ANOS1: variants seen among roughly 807,000 people sequenced by gnomAD.
The protein encoded by ANOS1 is anosmin 1, also known as anosmin-1.
A neutral mutation model predicts 59.0 loss-of-function variants in ANOS1; 6 were observed. The observed-to-expected ratio is 0.10, with a 90% CI of 0.06 to 0.20. ANOS1 has a LOEUF of 0.20. Among genes scored for constraint, ANOS1 ranks in the 10% least tolerant of loss-of-function variants. The probability of loss-of-function intolerance (pLI) is 1.00; values close to 1 mark genes in which losing one functional copy is unlikely to be tolerated. For synonymous variants in ANOS1, 217 were observed against 223.4 expected, an observed-to-expected ratio of 0.97 and a Z score of 0.25; for missense variants, 433 against 542.3, an observed-to-expected ratio of 0.80 and a Z score of 2.00.
In ANOS1 at chrX:8,534,411, C is replaced by T. The variant is rs1371770903; in HGVS notation, c.1892G>A (p.Arg631Gln). The change falls in exon 13 of 14, where the codon CGA becomes CAA. Residue 631 changes from arginine (R) to glutamine (Q), a missense_variant. By Grantham distance (43) the Arg-to-Gln change is conservative (BLOSUM62 1). Coordinates refer to ENST00000262648, the MANE Select transcript of ANOS1 (RefSeq NM_000216.4). Reference protein sequence around the residue: ...VPNLRPSTLYRLEVQVLTPGG... With the variant: ...VPNLRPSTLYQLEVQVLTPGG... ...TGGGGTCAGCACTTGCACTTCCAGT[C>T]GGTAAAGAGTAGATGGTCTCAGATT... 1.7e-6 allele frequency: 2 copies of T among 1,207,705 alleles called. No homozygotes were observed. Among genetic ancestry groups the T allele is most frequent in the African/African-American group, 1.8e-5 (1 of 56,798 alleles).
intron 1 of ANOS1, among the ~76,000 whole-genome samples, chrX:8,704,576 C>A (rs1361945053): frequency 8.9e-6 from 1 of 112,230 alleles, no homozygotes. Context: ...TCATTTCAAG[C>A]AAAATTTTCT....
chrX:8,727,521 G>A (rs758194088), intron 1 of ANOS1, among the ~76,000 whole-genome samples: 1 of 112,723 alleles, frequency 8.9e-6, no homozygotes, highest in Admixed American at 9.3e-5. Context: ...TGAGGAGGAT[G>A]CAATAAACCT....
chrX:8,612,968 T>C (rs1931089062), intron 3 of ANOS1, among the ~76,000 whole-genome samples: 1 of 111,490 alleles, frequency 9.0e-6, no homozygotes, highest in Non-Finnish European at 1.9e-5. Flanking sequence ...CCATGAAAGC[T>C]CTACCAACTC....
At position 8,605,331 on chromosome X, in the gene ANOS1, G is replaced by C. The variant is rs141539563; in HGVS notation, c.319-8075C>G. ...AATACAAGAGCATGAAGACAAGGTA[G>C]TGAGACAATGAAATGAGATGAAAAG... On this transcript the variant is annotated intron_variant, in intron 3 of 13. Coordinates refer to ENST00000262648, the MANE Select transcript of ANOS1 (RefSeq NM_000216.4). Among the ~76,000 whole-genome samples, 156 of 111,206 alleles carry C rather than the reference G, an allele frequency of 1.4e-3. 3 individuals carry two copies. In the East Asian group the frequency reaches 0.036, roughly 26 times the overall value.
At chrX:8,653,105 C>G (rs182616110) in intron 2 of ANOS1, among the ~76,000 whole-genome samples, 2,747 of 110,793 alleles carry the variant, frequency 0.025, 97 homozygotes, top group African/African-American at 0.086. Flanking sequence ...ATCCACCCGC[C>G]TCAACCTCCC....
intron 2 of ANOS1, among the ~76,000 whole-genome samples, chrX:8,656,686 G>T (rs954929209): frequency 9.0e-6 from 1 of 111,398 alleles, no homozygotes; most frequent in Admixed American, 9.6e-5. Context: ...GCATGGCATG[G>T]ATCCCTGTTC....
Position 8,535,610 on chromosome X carries a change from T to C in ANOS1, c.1823A>G (p.Gln608Arg). The C allele has an allele frequency of 8.3e-7, 1 of 1,208,222 alleles. No individual in the cohort carries two copies. The highest frequency in any genetic ancestry group is 1.8e-5 in the South Asian group (1 of 56,876). The change falls in exon 12 of 14, where the codon CAG (glutamine) becomes CGG (arginine). Residue 608 changes from glutamine to arginine, a missense_variant. Physicochemically the swap from Gln to Arg is conservative, Grantham distance 43. Coordinates refer to ENST00000262648, the MANE Select transcript of ANOS1 (RefSeq NM_000216.4). ...QNSLPNSIISQSQILPSDHYV... is the reference protein window; with the variant it reads ...QNSLPNSIISRSQILPSDHYV... ...ACCTACGGAAGGCAGGATCTGGGAC[T>C]GTGAAATAATGCTGTTGGGTAGGCT...
At chrX:8,655,963 G>A (rs1400029817) in intron 2 of ANOS1, among the ~76,000 whole-genome samples, 2 of 112,159 alleles carry the variant, frequency 1.8e-5, no homozygotes, top group Admixed American at 1.9e-4. Context: ...AGTGGAGTAA[G>A]CAGAACTGTG....
chrX:8,691,075 CTT>C (rs200551447), intron 2 of ANOS1, among the ~76,000 whole-genome samples: 12 of 96,164 alleles, frequency 1.2e-4, no homozygotes, highest in Admixed American at 1.2e-4. Flanking sequence ...AAGGAGAAAT[CTT>C]TTTTTTTTTT....
chrX:8,656,792 A>G, intron 2 of ANOS1, among the ~76,000 whole-genome samples: 1 of 111,112 alleles, frequency 9.0e-6, no homozygotes, highest in Middle Eastern at 4.6e-3. Context: ...TCACCCTCAG[A>G]TGACCATATG....
At chrX:8,565,137 T>C (rs1297716517) in intron 8 of ANOS1, among the ~76,000 whole-genome samples, 1 of 112,038 alleles carries the variant, frequency 8.9e-6, no homozygotes, top group African/African-American at 3.2e-5. Context: ...ACTTTTTTTC[T>C]CCTTGCTTTT....
chrX:8,626,070 C>G (rs951168076), intron 2 of ANOS1, among the ~76,000 whole-genome samples: 2 of 96,245 alleles, frequency 2.1e-5, no homozygotes, highest in Non-Finnish European at 4.1e-5. Context: ...TGAGATCATG[C>G]CACTGCACTC....
intron 12 of ANOS1, 35 bp from the exon 13 acceptor site, chrX:8,534,495 C>A: frequency 8.4e-7 from 1 of 1,196,169 alleles, no homozygotes; most frequent in Non-Finnish European, 1.1e-6. Context: ...TGCTCACCGA[C>A]AACCTTTCAG....
At chrX:8,572,069 T>C (rs1488094613) in intron 6 of ANOS1, among the ~76,000 whole-genome samples, 2 of 112,072 alleles carry the variant, frequency 1.8e-5, no homozygotes, top group Non-Finnish European at 1.9e-5. Context: ...AGCTTCATAG[T>C]ATTTTTTAGG....
intron 1 of ANOS1, among the ~76,000 whole-genome samples, chrX:8,726,007 G>C (rs1034656827): frequency 9.1e-6 from 1 of 110,077 alleles, no homozygotes; most frequent in African/African-American, 3.3e-5. Flanking sequence ...AGACCAAACT[G>C]CATCGAGTCG....
chrX:8,614,955 T>G (rs4830597), intron 3 of ANOS1, among the ~76,000 whole-genome samples: 39,713 of 106,917 alleles, frequency 0.37, 5,662 homozygotes, highest in South Asian at 0.42. Context: ...ATGTTCCAGA[T>G]CTATAAAATT....
In ANOS1 at chrX:8,568,320, T is replaced by C; in HGVS notation, c.1119A>G (p.Glu373=). 8.3e-7 allele frequency: 1 copy of C among 1,209,077 alleles called. No individual in the cohort carries two copies. The highest frequency in any genetic ancestry group is 1.1e-6 in the Non-Finnish European group (1 of 893,124). Residue 373 remains glutamate, a synonymous_variant, in exon 8 of 14, where the codon GAA becomes GAG. Transcript: ENST00000262648. ...KLQPDCDYVV[E]LQAITYWGQT... The stretch of plus-strand genomic sequence containing the variant: ...GTCCCCAGTACGTTATGGCTTGCAA[T>C]TCCACAACATAGTCACAGTCTGGCT...
intron 1 of ANOS1, among the ~76,000 whole-genome samples, chrX:8,731,506 A>G (rs1261964127): frequency 1.8e-5 from 2 of 111,034 alleles, no homozygotes; most frequent in African/African-American, 6.5e-5. Flanking sequence ...GCGCACTCCA[A>G]TTCCCGGGAA....
chrX:8,550,928 A>G (rs2146794996), intron 9 of ANOS1, among the ~76,000 whole-genome samples: 1 of 111,792 alleles, frequency 8.9e-6, no homozygotes, highest in Admixed American at 9.5e-5. Flanking sequence ...CATGGGAGGA[A>G]CCTGGTGGGA....
Sources: gnomAD v4.1 joint callset for allele counts (sites outside exome capture counted in the v4.1 genomes callset) on GRCh38, gnomAD v4.1.1 for gene constraint, MANE v1.5 for transcripts, NCBI Gene and HGNC (gene_info 2026-07-23, HGNC 2026-07-21) for gene names.